UCK2: variants seen among roughly 807,000 people sequenced by gnomAD.
UCK2 encodes uridine-cytidine kinase 2, also known as cytidine monophosphokinase 2.
In UCK2, 6 loss-of-function variants were observed where a neutral mutation model predicts 30.8. The observed-to-expected ratio is 0.19, with a 90% CI of 0.11 to 0.38. The LOEUF (loss-of-function observed/expected upper bound fraction) is 0.38. Ranked by LOEUF, UCK2 falls within the 10% of genes least tolerant of loss-of-function variation. The probability of loss-of-function intolerance (pLI) is 1.00; values close to 1 mark genes in which losing one functional copy is unlikely to be tolerated. For missense variants in UCK2, 210 were observed against 339.8 expected (o/e 0.62, Z 3.00); for synonymous variants, 125 against 133.6 (o/e 0.94, Z 0.45).
chr1:165,829,848 A>G (rs1296595496), intron 1 of UCK2, among the ~76,000 whole-genome samples: 1 of 152,174 alleles, frequency 6.6e-6, no homozygotes, highest in African/African-American at 2.4e-5. Context: ...CATGTTGTAC[A>G]TTTTTATTTA....
At chr1:165,890,689 C>G (rs912886836) in intron 2 of UCK2, 2 of 303,036 alleles carry the variant, frequency 6.6e-6, no homozygotes, top group African/African-American at 4.2e-5. Context: ...TGAGGCAGCC[C>G]TCGTCAGACC....
At chr1:165,848,696 C>T (rs1023013686) in intron 1 of UCK2, among the ~76,000 whole-genome samples, 2 of 151,906 alleles carry the variant, frequency 1.3e-5, no homozygotes, top group African/African-American at 2.4e-5. Flanking sequence ...ACCCCCTGAG[C>T]TTTACATCCA....
intron 4 of UCK2, among the ~76,000 whole-genome samples, chr1:165,901,775 G>A (rs370765038): frequency 6.6e-6 from 1 of 152,026 alleles, no homozygotes; most frequent in Non-Finnish European, 1.5e-5. Context: ...CATGTACAGC[G>A]GCAGAATGAG....
intron 1 of UCK2, chr1:165,885,053 G>A (rs1655585038): frequency 3.9e-6 from 1 of 255,056 alleles, no homozygotes; most frequent in Non-Finnish European, 7.4e-6. Context: ...CAACATAAAT[G>A]TTGACTTTAG....
chr1:165,909,542 A>G lies in UCK2; in HGVS notation c.*1719A>G, dbSNP rs1056467509. ...AGTTTGACTCTAAATCTGTTTTGCTATTTTAAAAAGTCAAACCTGGTCCCC... is the reference window on the plus strand; with the variant it reads ...AGTTTGACTCTAAATCTGTTTTGCTGTTTTAAAAAGTCAAACCTGGTCCCC... On this transcript the variant is annotated 3_prime_UTR_variant, in exon 7 of 7. Transcript: ENST00000367879. 2.0e-5 allele frequency: 3 copies of G among 152,088 alleles called. No homozygotes were observed. Among genetic ancestry groups the G allele is most frequent in the African/African-American group, 4.8e-5 (2 of 41,408 alleles). 9.4% of individuals were successfully genotyped at this position (152,088 alleles called of 1,614,324 possible).
chr1:165,904,838 T>C (rs1452468400), intron 5 of UCK2, among the ~76,000 whole-genome samples: 1 of 152,224 alleles, frequency 6.6e-6, no homozygotes, highest in East Asian at 1.9e-4. Context: ...AGGATGCAGT[T>C]ACTTGTAGAA....
intron 4 of UCK2, among the ~76,000 whole-genome samples, chr1:165,898,229 TA>T (rs1464612559): frequency 6.7e-6 from 1 of 148,810 alleles, no homozygotes; most frequent in Non-Finnish European, 1.5e-5. Context: ...ATCCTGGTTT[TA>T]CCACTTACTA....
chr1:165,859,084 A>G lies in UCK2; in HGVS notation c.100-31120A>G, dbSNP rs1654824663. On this transcript the variant is annotated intron_variant, in intron 1 of 6. Coordinates refer to ENST00000367879, the MANE Select transcript of UCK2 (RefSeq NM_012474.5). Reference sequence around the variant, plus strand: ...AGATAAGACAGTTCACTGAGTTGCAACGTTTATGACACAGGGAATGGAGGA... The same window carrying G: ...AGATAAGACAGTTCACTGAGTTGCAGCGTTTATGACACAGGGAATGGAGGA... Among the ~76,000 whole-genome samples the G allele has an allele frequency of 6.6e-5, 10 of 152,176 alleles. No individual in the cohort carries two copies. The South Asian group carries it at 2.1e-3, about 32-fold the overall frequency.
intron 1 of UCK2, among the ~76,000 whole-genome samples, chr1:165,858,805 G>A (rs757381225): frequency 2.6e-5 from 4 of 152,192 alleles, no homozygotes; most frequent in African/African-American, 9.6e-5. Context: ...AAAATGGAAT[G>A]CTGATGGGGC....
At chr1:165,845,724 G>C (rs946237411) in intron 1 of UCK2, among the ~76,000 whole-genome samples, 3 of 152,210 alleles carry the variant, frequency 2.0e-5, no homozygotes, top group African/African-American at 4.8e-5. Context: ...CTGGAGTGCA[G>C]TGGCATGATC....
At chr1:165,858,171 G>C (rs1322220466) in intron 1 of UCK2, among the ~76,000 whole-genome samples, 1 of 152,228 alleles carries the variant, frequency 6.6e-6, no homozygotes, top group Non-Finnish European at 1.5e-5. Context: ...TGTGCAAGAT[G>C]CATCTTAAAG....
At chr1:165,830,166 C>A (rs1055373317) in intron 1 of UCK2, among the ~76,000 whole-genome samples, 1 of 151,418 alleles carries the variant, frequency 6.6e-6, no homozygotes, top group Non-Finnish European at 1.5e-5. Flanking sequence ...CCATCATGCC[C>A]GACTAATTTT....
chr1:165,856,287 G>A (rs1443597332), intron 1 of UCK2, among the ~76,000 whole-genome samples: 1 of 151,984 alleles, frequency 6.6e-6, no homozygotes, highest in Non-Finnish European at 1.5e-5. Context: ...TAAGCTGAGT[G>A]GGGCCCATTG....
At chr1:165,859,654 C>T (rs1654845113) in intron 1 of UCK2, among the ~76,000 whole-genome samples, 1 of 152,020 alleles carries the variant, frequency 6.6e-6, no homozygotes, top group Non-Finnish European at 1.5e-5. Flanking sequence ...AAATTCTTGT[C>T]TCTACAAAAA....
intron 1 of UCK2, among the ~76,000 whole-genome samples, chr1:165,837,601 AC>A (rs763306324): frequency 3.9e-5 from 6 of 152,134 alleles, no homozygotes; most frequent in Non-Finnish European, 8.8e-5. Flanking sequence ...GACCTCAGTT[AC>A]AGAATTTTTT....
chr1:165,888,700 C>T (rs1655686940), intron 1 of UCK2, among the ~76,000 whole-genome samples: 1 of 117,396 alleles, frequency 8.5e-6, no homozygotes, highest in Non-Finnish European at 1.6e-5. Flanking sequence ...CCAGGCTGGT[C>T]TCGAATTCCT....
In UCK2 at chr1:165,863,931, A is replaced by G. The variant is rs184116794; in HGVS notation, c.100-26273A>G. On this transcript the variant is annotated intron_variant, in intron 1 of 6. Transcript: ENST00000367879. The stretch of plus-strand genomic sequence containing the variant: ...ATATGGCAGTCACCTTATGTGTTTT[A>G]TAAAAAGTCATGTAGTTTTTTAGTA... 4.1e-4 allele frequency among the ~76,000 whole-genome samples: 63 copies of G among 152,328 alleles called. No individual in the cohort carries two copies. The East Asian group carries it at 0.011, about 27-fold the overall frequency.
chr1:165,856,052 A>G (rs1654737385), intron 1 of UCK2, among the ~76,000 whole-genome samples: 2 of 152,336 alleles, frequency 1.3e-5, no homozygotes, highest in African/African-American at 2.4e-5. Flanking sequence ...TATAAACCAT[A>G]AAGAATTTCC....
At chr1:165,885,397 G>A (rs775542826) in intron 1 of UCK2, 10 of 398,348 alleles carry the variant, frequency 2.5e-5, no homozygotes, top group Non-Finnish European at 4.4e-5. Flanking sequence ...AAGAAATTGT[G>A]AATCACCTTC....
Sources: gnomAD v4.1 joint callset for allele counts (sites outside exome capture counted in the v4.1 genomes callset) on GRCh38, gnomAD v4.1.1 for gene constraint, MANE v1.5 for transcripts, NCBI Gene and HGNC (gene_info 2026-07-23, HGNC 2026-07-21) for gene names.